The following GRM7 variants were observed in gnomAD, a reference collection of about 807,000 sequenced individuals.
GRM7 encodes metabotropic glutamate receptor 7.
In GRM7, 35 loss-of-function variants were observed where a neutral mutation model predicts 84.5. That is an observed-to-expected ratio of 0.41 (90% CI 0.32 to 0.55). GRM7 has a LOEUF of 0.55. Among genes scored for constraint, GRM7 ranks in the 20% least tolerant of loss-of-function variants. The pLI is 0.19. For synonymous variants in GRM7, 487 were observed against 455.1 expected, an observed-to-expected ratio of 1.07 and a Z score of -0.89; for missense variants, 1,003 against 1,194.6, an observed-to-expected ratio of 0.84 and a Z score of 2.36.
chr3:7,076,163 T>C (rs1169323602), intron 1 of GRM7, among the ~76,000 whole-genome samples: 2 of 152,312 alleles, frequency 1.3e-5, no homozygotes, highest in Admixed American at 1.3e-4. Context: ...AAGGTCACTG[T>C]AATATACATT....
chr3:7,224,214 C>T (rs528714367), intron 2 of GRM7, among the ~76,000 whole-genome samples: 37 of 152,154 alleles, frequency 2.4e-4, no homozygotes, highest in African/African-American at 6.3e-4. Context: ...CCTGAGGAAA[C>T]GTACAATCAT....
rs575299035 is a variant in GRM7 at position 6,970,718 on chromosome 3, G to A, written c.519+108811G>A. On this transcript the variant is annotated intron_variant, in intron 1 of 9. Transcript: ENST00000357716. The stretch of plus-strand genomic sequence containing the variant: ...AGAGAGGCCAGGCGCAGTGGCTCAC[G>A]CCTGTAATCCCAGCACTTTGGGAGG... Among the ~76,000 whole-genome samples the A allele has an allele frequency of 1.3e-4, 20 of 152,272 alleles. No individual in the cohort carries two copies. The East Asian group carries it at 3.7e-3, about 28-fold the overall frequency.
At chr3:7,698,254 G>A (rs80278347) in intron 9 of GRM7, among the ~76,000 whole-genome samples, 2,501 of 152,220 alleles carry the variant, frequency 0.016, 70 homozygotes, top group African/African-American at 0.054. Flanking sequence ...CAGAGGGATC[G>A]TCCTCAATAA....
intron 2 of GRM7, among the ~76,000 whole-genome samples, chr3:7,261,223 G>C (rs1363866018): frequency 1.3e-5 from 2 of 152,192 alleles, no homozygotes; most frequent in Non-Finnish European, 2.9e-5. Context: ...GTCTCCTGGA[G>C]AGAGCAAACA....
At chr3:6,901,527 G>A (rs1696380371) in intron 1 of GRM7, among the ~76,000 whole-genome samples, 1 of 144,658 alleles carries the variant, frequency 6.9e-6, no homozygotes. Flanking sequence ...GAACCCGATA[G>A]GTGGAGGTTG....
intron 1 of GRM7, among the ~76,000 whole-genome samples, chr3:7,010,304 A>G (rs1362620718): frequency 6.6e-6 from 1 of 152,164 alleles, no homozygotes; most frequent in Admixed American, 6.5e-5. Context: ...TACAAAAAAA[A>G]TTAGCCAGGC....
chr3:6,877,907 A>G (rs948848039), intron 1 of GRM7, among the ~76,000 whole-genome samples: 2 of 151,752 alleles, frequency 1.3e-5, no homozygotes, highest in African/African-American at 2.4e-5. Flanking sequence ...CTGTATACAC[A>G]TAAGCAGGAA....
intron 7 of GRM7, among the ~76,000 whole-genome samples, chr3:7,557,608 G>T (rs1373557326): frequency 6.6e-6 from 1 of 152,052 alleles, no homozygotes; most frequent in Non-Finnish European, 1.5e-5. Flanking sequence ...ATCAAAAAAT[G>T]ATTATAAAGA....
chr3:7,689,767 G>T (rs951468383), intron 9 of GRM7, among the ~76,000 whole-genome samples: 2 of 152,100 alleles, frequency 1.3e-5, no homozygotes, highest in African/African-American at 4.8e-5. Context: ...GCCCTATCTG[G>T]TCAAGATTTT....
chr3:7,579,542 C>A (rs1695142137), intron 8 of GRM7, among the ~76,000 whole-genome samples, 185 bp downstream of exon 8: 1 of 152,174 alleles, frequency 6.6e-6, no homozygotes, highest in Admixed American at 6.6e-5. Context: ...GAGCCACGTT[C>A]ATTCCACTGG....
chr3:7,227,775 C>T (rs1697030139), intron 2 of GRM7, among the ~76,000 whole-genome samples: 1 of 152,110 alleles, frequency 6.6e-6, no homozygotes, highest in Admixed American at 6.5e-5. Context: ...AGGATTTTCA[C>T]TGGGTATTAT....
At chr3:6,943,820 A>T (rs920574858) in intron 1 of GRM7, among the ~76,000 whole-genome samples, 1 of 152,098 alleles carries the variant, frequency 6.6e-6, no homozygotes, top group Non-Finnish European at 1.5e-5. Context: ...TTAATGAAAA[A>T]GGTAACTCAG....
intron 1 of GRM7, among the ~76,000 whole-genome samples, chr3:6,946,779 G>A (rs556902320): frequency 6.6e-6 from 1 of 152,186 alleles, no homozygotes; most frequent in Admixed American, 6.5e-5. Context: ...TCCCTTGTAA[G>A]TTGGAATCCT....
chr3:7,254,208 C>T (rs1423459268), intron 2 of GRM7, among the ~76,000 whole-genome samples: 1 of 152,128 alleles, frequency 6.6e-6, no homozygotes, highest in Non-Finnish European at 1.5e-5. Flanking sequence ...TTACAAAGGC[C>T]CCGTGCTTGG....
At chr3:7,325,133 C>T (rs562286952) in intron 4 of GRM7, among the ~76,000 whole-genome samples, 1 of 152,126 alleles carries the variant, frequency 6.6e-6, no homozygotes, top group Non-Finnish European at 1.5e-5. Context: ...AAGAGCCCCT[C>T]AACTGTCTTC....
intron 1 of GRM7, among the ~76,000 whole-genome samples, chr3:6,952,586 A>G (rs1172864566): frequency 6.6e-6 from 1 of 152,148 alleles, no homozygotes; most frequent in African/African-American, 2.4e-5. Flanking sequence ...ATCTCTATGA[A>G]TGCGATAAGC....
At chr3:7,622,880 A>G (rs549396501) in intron 8 of GRM7, among the ~76,000 whole-genome samples, 1 of 152,248 alleles carries the variant, frequency 6.6e-6, no homozygotes, top group African/African-American at 2.4e-5. Flanking sequence ...TCATGGTGCT[A>G]ACCACACACC....
At chr3:7,570,380 G>A (rs376358693) in intron 7 of GRM7, among the ~76,000 whole-genome samples, 33 of 152,326 alleles carry the variant, frequency 2.2e-4, no homozygotes, top group African/African-American at 6.5e-4. Flanking sequence ...TAGTTACTTC[G>A]TAGATACAAT....
intron 4 of GRM7, among the ~76,000 whole-genome samples, chr3:7,410,656 C>CACACACACACA (rs1553585549): frequency 0.025 from 3,506 of 142,370 alleles, 166 homozygotes; most frequent in African/African-American, 0.086. Flanking sequence ...ACCACCACCA[C>CACACACACACA]CACACACACA....
Sources: allele counts gnomAD v4.1 joint callset (sites outside exome capture counted in the v4.1 genomes callset), GRCh38; gene constraint gnomAD v4.1.1; transcripts MANE v1.5; gene names NCBI Gene and HGNC (gene_info 2026-07-23, HGNC 2026-07-21).